The following BORCS8 variants were observed in gnomAD, a reference collection of about 807,000 sequenced individuals.
BORCS8 encodes BLOC-1 related complex subunit 8.
BORCS8 carries 13 observed loss-of-function variants against 18.7 expected under a neutral mutation model. That is an observed-to-expected ratio of 0.70 (90% CI 0.45 to 1.11). BORCS8 has a LOEUF of 1.11. Ranked by LOEUF, BORCS8 falls within the 50% of genes least tolerant of loss-of-function variation. The probability of loss-of-function intolerance (pLI) is 0.00; values close to 1 mark genes in which losing one functional copy is unlikely to be tolerated. For synonymous variants in BORCS8, 68 were observed against 64.8 expected (o/e 1.05, Z -0.24); for missense variants, 165 against 165.7 (o/e 1.00, Z 0.02).
intron 1 of BORCS8, among the ~76,000 whole-genome samples, chr19:19,188,928 G>A (rs540129227): frequency 2.6e-5 from 4 of 151,956 alleles, no homozygotes; most frequent in South Asian, 4.2e-4. Context: ...TCCACCTCCC[G>A]GGTTCAGGTG....
At chr19:19,187,392 C>T (rs2060420143) in intron 1 of BORCS8, among the ~76,000 whole-genome samples, 1 of 151,026 alleles carries the variant, frequency 6.6e-6, no homozygotes, top group Non-Finnish European at 1.5e-5. Flanking sequence ...GGAGAAATCA[C>T]TTGAATCTGG....
chr19:19,177,696 GAGAAAAGAAA>G (rs1160218288), intron 5 of BORCS8: 987 of 74,514 alleles, frequency 0.013, 25 homozygotes, highest in African/African-American at 0.036. Flanking sequence ...AAGGAAGGAA[GAGAAAAGAAA>G]AGAAAAGAAA....
intron 1 of BORCS8, among the ~76,000 whole-genome samples, chr19:19,188,386 G>T (rs760658236): frequency 6.6e-6 from 1 of 151,780 alleles, no homozygotes; most frequent in African/African-American, 2.4e-5. Context: ...CTGAACTCTT[G>T]GTCTCAAGTG....
intron 5 of BORCS8, chr19:19,179,824 G>A (rs1430851751): frequency 6.5e-6 from 1 of 152,764 alleles, no homozygotes; most frequent in Non-Finnish European, 1.5e-5. Context: ...CTCAACGGAT[G>A]GGCCACCCAC....
At chr19:19,180,927 G>T (rs1417760251) in intron 4 of BORCS8, among the ~76,000 whole-genome samples, 166 bp from the exon 5 acceptor site, 1 of 152,220 alleles carries the variant, frequency 6.6e-6, no homozygotes, top group East Asian at 1.9e-4. Flanking sequence ...AGGAACGGTG[G>T]CTCACGCCTG....
At chr19:19,177,636 A>G (rs12975905) in intron 5 of BORCS8, 176 bp from the exon 6 acceptor site, 1 of 134,420 alleles carries the variant, frequency 7.4e-6, no homozygotes, top group African/African-American at 3.0e-5. Context: ...AAAGAAAGAA[A>G]GAAAGAAGGA....
At chr19:19,185,514 C>T (rs1454751731) in intron 3 of BORCS8, among the ~76,000 whole-genome samples, 1 of 152,142 alleles carries the variant, frequency 6.6e-6, no homozygotes, top group Non-Finnish European at 1.5e-5. Context: ...GGCGAAACCC[C>T]ATCTCTGCTA....
At chr19:19,180,009 A>G (rs2060333744) in intron 5 of BORCS8, 1 of 153,404 alleles carries the variant, frequency 6.5e-6, no homozygotes, top group Admixed American at 6.5e-5. Flanking sequence ...TGAGCACCAC[A>G]TGGGTGAGCC....
chr19:19,183,999 C>A (rs1197259044), intron 3 of BORCS8, among the ~76,000 whole-genome samples: 1 of 151,706 alleles, frequency 6.6e-6, no homozygotes, highest in Non-Finnish European at 1.5e-5. Context: ...TCTCCTGCCT[C>A]CGCCTCCCAA....
In BORCS8 at chr19:19,182,373, C is replaced by T. The variant is rs897485469; in HGVS notation, c.326+200G>A. On this transcript the variant is annotated intron_variant, in intron 4 of 5. Transcript: ENST00000462790. The surrounding 1 kb of genome is among the most constrained non-coding windows in gnomAD (Gnocchi z 4.1). ...CCAGTGCCCAGCCCAGGGCCAGGCACACAGCAGAGCGCAGGACCTCGGTAT... is the reference window on the plus strand; with the variant it reads ...CCAGTGCCCAGCCCAGGGCCAGGCATACAGCAGAGCGCAGGACCTCGGTAT... The T allele has an allele frequency of 7.4e-7, 1 of 1,354,732 alleles. No individual in the cohort carries two copies. Among genetic ancestry groups the T allele is most frequent in the Non-Finnish European group, 9.6e-7 (1 of 1,045,276 alleles). The allele number at this position is 1,354,732 out of a possible 1,614,324, so 83.9% of individuals were successfully genotyped here. A position where few individuals can be genotyped will look rare whatever the true frequency, so the allele number is the denominator to read the frequency against.
intron 3 of BORCS8, among the ~76,000 whole-genome samples, chr19:19,185,753 C>G (rs1451566875): frequency 6.6e-6 from 1 of 152,264 alleles, no homozygotes; most frequent in Non-Finnish European, 1.5e-5. Flanking sequence ...ATCCACCCCA[C>G]TGGCCCATCT....
At chr19:19,184,941 G>T (rs546750820) in intron 3 of BORCS8, among the ~76,000 whole-genome samples, 1 of 151,758 alleles carries the variant, frequency 6.6e-6, no homozygotes, top group Non-Finnish European at 1.5e-5. Context: ...GCTATATCAC[G>T]CAGGCTGACC....
intron 2 of BORCS8, 144 bp from the exon 3 acceptor site, chr19:19,186,242 T>C (rs1420732195): frequency 1.2e-5 from 9 of 769,536 alleles, no homozygotes; most frequent in South Asian, 3.3e-5. Context: ...CCCTCACAGG[T>C]CTGGGCTTTC....
At chr19:19,187,137 C>A (rs1012700006) in intron 1 of BORCS8, 132 bp from the exon 2 acceptor site, 4 of 639,230 alleles carry the variant, frequency 6.3e-6, no homozygotes, top group Admixed American at 2.9e-5. Context: ...TCACTCCTGG[C>A]CCATGACAGG....
At chr19:19,188,016 CATTT>C (rs138094517) in intron 1 of BORCS8, among the ~76,000 whole-genome samples, 16 of 150,534 alleles carry the variant, frequency 1.1e-4, no homozygotes, top group Non-Finnish European at 8.9e-5. Context: ...CTAGTTTTTT[CATTT>C]ATTTATTTAT....
chr19:19,180,707 G>A lies in BORCS8; in HGVS notation c.*21C>T, dbSNP rs1052640422. The A allele has an allele frequency of 1.3e-6, 2 of 1,549,440 alleles. No homozygotes were observed. Among genetic ancestry groups the A allele is most frequent in the African/African-American group, 2.7e-5 (2 of 73,022 alleles). On this transcript the variant is annotated 3_prime_UTR_variant, in exon 5 of 6. Transcript: ENST00000462790. ...TGACCTGGGTTGGCGGAGGCTGGGGGGCCCCGAGTCTCTTCCAGGATCAGG... is the reference window on the plus strand; with the variant it reads ...TGACCTGGGTTGGCGGAGGCTGGGGAGCCCCGAGTCTCTTCCAGGATCAGG...
intron 3 of BORCS8, among the ~76,000 whole-genome samples, chr19:19,184,305 C>CTTTTCT (rs2060384541): frequency 9.2e-6 from 1 of 108,516 alleles, no homozygotes; most frequent in Non-Finnish European, 2.0e-5. Flanking sequence ...TTTTTCCTTT[C>CTTTTCT]TTTTTTTTTT....
At position 19,182,240 on chromosome 19, in the gene BORCS8, GC is replaced by G; in HGVS notation, c.326+332del. On this transcript the variant is annotated intron_variant, in intron 4 of 5. Coordinates refer to ENST00000462790, the MANE Select transcript of BORCS8 (RefSeq NM_001145784.2). This position sits in a 1 kb window ranked among gnomAD's most constrained non-coding sequence, Gnocchi z 4.1. ...TAACTCATGCCACCTCCTAGGAGGG[GC>G]CCCGCAGTGTTCTTCACAGCGCATC... 2.3e-6 allele frequency: 1 copy of G among 433,536 alleles called. No individual in the cohort carries two copies. Among genetic ancestry groups the G allele is most frequent in the Non-Finnish European group, 3.3e-6 (1 of 304,112 alleles). The allele number at this position is 433,536 out of a possible 1,614,324, so 26.9% of individuals were successfully genotyped here.
intron 2 of BORCS8, 51 bp downstream of exon 2, chr19:19,186,842 C>T (rs2060413659): frequency 7.4e-7 from 1 of 1,359,942 alleles, no homozygotes; most frequent in Non-Finnish European, 9.9e-7. Context: ...GTGTCCCAGC[C>T]TTGACTCCTG....
Sources: gnomAD v4.1 joint callset for allele counts (sites outside exome capture counted in the v4.1 genomes callset) on GRCh38, gnomAD v4.1.1 for gene constraint, Gnocchi (gnomAD v3.1) non-coding constraint, MANE v1.5 for transcripts, NCBI Gene and HGNC (gene_info 2026-07-23, HGNC 2026-07-21) for gene names.